The following CSGALNACT1 variants were observed in gnomAD, a reference collection of about 807,000 sequenced individuals.
The protein encoded by CSGALNACT1 is beta4GalNAcT-1.
A neutral mutation model predicts 51.0 loss-of-function variants in CSGALNACT1; 52 were observed. That is an observed-to-expected ratio of 1.02 (90% CI 0.82 to 1.29). CSGALNACT1 has a LOEUF of 1.29. Ranked by LOEUF, CSGALNACT1 falls within the 50% of genes most tolerant of loss-of-function variation. The pLI is 0.00. For synonymous variants in CSGALNACT1, 341 were observed against 254.4 expected (o/e 1.34, Z -3.24); for missense variants, 935 against 679.2 (o/e 1.38, Z -4.19).
intron 1 of CSGALNACT1, among the ~76,000 whole-genome samples, chr8:19,652,875 G>C (rs183145410): frequency 9.2e-5 from 14 of 152,268 alleles, no homozygotes; most frequent in Admixed American, 3.3e-4. Context: ...CGGTTTACCA[G>C]ATGAGCCCAG....
At chr8:19,407,905 T>TTTTG (rs2054628567) in intron 9 of CSGALNACT1, among the ~76,000 whole-genome samples, 1 of 112,722 alleles carries the variant, frequency 8.9e-6, no homozygotes, top group African/African-American at 3.2e-5. Flanking sequence ...TGTATATGAA[T>TTTTG]TGTGTGTGTG....
At chr8:19,672,610 T>TTTCCTTC (rs1374950368) in intron 1 of CSGALNACT1, among the ~76,000 whole-genome samples, 7 of 152,244 alleles carry the variant, frequency 4.6e-5, no homozygotes, top group Non-Finnish European at 8.8e-5. Flanking sequence ...ATTTTCCTTC[T>TTTCCTTC]TTCCAGTCAC....
chr8:19,736,399 T>A, intron 1 of CSGALNACT1, among the ~76,000 whole-genome samples: 1 of 152,062 alleles, frequency 6.6e-6, no homozygotes, highest in African/African-American at 2.4e-5. Context: ...TTCTATAGGA[T>A]AGTCTCTCAC....
chr8:19,666,823 GAGAGAGAGAGAAAGAAAGAA>G (rs1422817398), intron 1 of CSGALNACT1, among the ~76,000 whole-genome samples: 3,126 of 73,610 alleles, frequency 0.042, 187 homozygotes, highest in Non-Finnish European at 0.054. Flanking sequence ...GAGAGAGAGA[GAGAGAGAGAGAAAGAAAGAA>G]AGAAAGAAAG....
At chr8:19,655,291 G>T (rs143189745) in intron 1 of CSGALNACT1, among the ~76,000 whole-genome samples, 52 of 152,210 alleles carry the variant, frequency 3.4e-4, no homozygotes, top group African/African-American at 1.1e-3. Context: ...TCACTCAAGA[G>T]AAGGCTCTTA....
At chr8:19,461,283 G>A (rs781352951) in intron 4 of CSGALNACT1, among the ~76,000 whole-genome samples, 1 of 152,246 alleles carries the variant, frequency 6.6e-6, no homozygotes, top group Non-Finnish European at 1.5e-5. Context: ...CTTCAGGAAT[G>A]TAGTGCTCAC....
intron 6 of CSGALNACT1, among the ~76,000 whole-genome samples, chr8:19,427,604 C>T (rs372079723): frequency 5.1e-4 from 77 of 152,080 alleles, no homozygotes; most frequent in African/African-American, 1.8e-3. Context: ...CTGGCTAACA[C>T]GGTGAAACCC....
At chr8:19,728,014 C>A (rs144026311) in intron 1 of CSGALNACT1, among the ~76,000 whole-genome samples, 1 of 152,152 alleles carries the variant, frequency 6.6e-6, no homozygotes, top group Non-Finnish European at 1.5e-5. Flanking sequence ...TGGAGTTCTA[C>A]GCGCGATGCT....
At chr8:19,663,780 G>C (rs1015217617) in intron 1 of CSGALNACT1, among the ~76,000 whole-genome samples, 11 of 152,226 alleles carry the variant, frequency 7.2e-5, no homozygotes, top group Non-Finnish European at 1.6e-4. Flanking sequence ...CATCAAGAAG[G>C]AATCTCAGGC....
At position 19,653,777 on chromosome 8, in the gene CSGALNACT1, G is replaced by T. The variant is rs530147246; in HGVS notation, c.-544+28696C>A. On this transcript the variant is annotated intron_variant, in intron 1 of 9. Coordinates refer to the CSGALNACT1 transcript ENST00000332246. ...TTTGCCACTGCACTCCAGCATGGGT[G>T]AATGAATGATACCTTGTCTTAAAAA... Among the ~76,000 whole-genome samples the T allele has an allele frequency of 2.7e-5, 4 of 147,626 alleles. No individual in the cohort carries two copies. In the Admixed American group the frequency reaches 2.7e-4, roughly 10 times the overall value.
intron 3 of CSGALNACT1, among the ~76,000 whole-genome samples, chr8:19,512,713 G>A (rs1298361544): frequency 1.3e-5 from 2 of 152,198 alleles, no homozygotes; most frequent in South Asian, 2.1e-4. Context: ...TATAGAAATC[G>A]GACTCAAACC....
At position 19,681,082 on chromosome 8, in the gene CSGALNACT1, A is replaced by G. The variant is rs541297273; in HGVS notation, c.-544+1391T>C. 5.9e-5 allele frequency among the ~76,000 whole-genome samples: 9 copies of G among 152,164 alleles called. No homozygotes were observed. The East Asian group carries it at 1.5e-3, about 26-fold the overall frequency. On this transcript the variant is annotated intron_variant, in intron 1 of 9. Coordinates refer to the CSGALNACT1 transcript ENST00000332246. Reference sequence around the variant, plus strand: ...GGGCATCCAGATTTCAGTATCCCCAAAACTCCTGGAACCAATCCCCTGAAG... The same window carrying G: ...GGGCATCCAGATTTCAGTATCCCCAGAACTCCTGGAACCAATCCCCTGAAG...
chr8:19,404,672 C>G, exon 10 of CSGALNACT1: 1 of 453,920 alleles, frequency 2.2e-6, no homozygotes, highest in Non-Finnish European at 4.4e-6. Flanking sequence ...GAGGAGCACC[C>G]TGTTTTGAAA....
intron 1 of CSGALNACT1, among the ~76,000 whole-genome samples, chr8:19,736,451 A>T (rs2154248026): frequency 6.6e-6 from 1 of 152,082 alleles, no homozygotes; most frequent in South Asian, 2.1e-4. Context: ...TAATGTCTAA[A>T]TATCACTTCC....
At chr8:19,743,012 C>T (rs192767639) in intron 1 of CSGALNACT1, among the ~76,000 whole-genome samples, 3 of 152,164 alleles carry the variant, frequency 2.0e-5, no homozygotes, top group African/African-American at 7.2e-5. Context: ...CTTTATTTCC[C>T]TGTTTTCATT....
intron 1 of CSGALNACT1, among the ~76,000 whole-genome samples, chr8:19,608,951 G>C (rs2051792686): frequency 6.6e-6 from 1 of 152,022 alleles, no homozygotes; most frequent in African/African-American, 2.4e-5. Flanking sequence ...CCTCCCAAAT[G>C]GTCTCTCATT....
At chr8:19,405,244 A>C in exon 10 of CSGALNACT1, 1 of 453,420 alleles carries the variant, frequency 2.2e-6, no homozygotes, top group South Asian at 1.6e-5. Context: ...AAAATATGAC[A>C]CGATATTTAT....
At chr8:19,621,838 T>C (rs901554619) in intron 1 of CSGALNACT1, among the ~76,000 whole-genome samples, 3 of 152,128 alleles carry the variant, frequency 2.0e-5, no homozygotes, top group Non-Finnish European at 2.9e-5. Context: ...ATGGCAAGAG[T>C]GATTCCTTTG....
At chr8:19,575,365 G>A (rs1290688216) in intron 3 of CSGALNACT1, among the ~76,000 whole-genome samples, 2 of 152,154 alleles carry the variant, frequency 1.3e-5, no homozygotes, top group East Asian at 3.8e-4. Flanking sequence ...AGTATATACA[G>A]CACCACCTAT....
Sources: allele counts gnomAD v4.1 joint callset (sites outside exome capture counted in the v4.1 genomes callset), GRCh38; gene constraint gnomAD v4.1.1; transcripts MANE v1.5; gene names NCBI Gene and HGNC (gene_info 2026-07-23, HGNC 2026-07-21).